The following PRAMEF20 variants were observed in gnomAD, a reference collection of about 807,000 sequenced individuals.
The protein encoded by PRAMEF20 is PRAME family member 20/21.
A neutral mutation model predicts 32.4 loss-of-function variants in PRAMEF20; 27 were observed. The ratio of observed to expected loss-of-function variants is 0.83; its 90% CI spans 0.61 to 1.15. PRAMEF20 has a LOEUF of 1.15. Ranked by LOEUF, PRAMEF20 falls within the 50% of genes most tolerant of loss-of-function variation. The pLI is 0.00. For synonymous variants in PRAMEF20, 256 were observed against 235.4 expected (o/e 1.09, Z -0.80); for missense variants, 604 against 584.5 (o/e 1.03, Z -0.34).
At chr1:13,417,951 T>TGTGTGTGTGTGTGTGTGTGTGTGC (rs1557476949) in intron 1 of PRAMEF20, among the ~76,000 whole-genome samples, 171 bp from the exon 3 acceptor site, 8 of 147,640 alleles carry the variant, frequency 5.4e-5, no homozygotes, top group African/African-American at 1.5e-4. Flanking sequence ...TGTGTGTGTG[T>TGTGTGTGTGTGTGTGTGTGTGTGC]GTTTAGTAGA....
upstream of PRAMEF20, among the ~76,000 whole-genome samples, chr1:13,414,408 A>G (rs1641143250): frequency 6.6e-6 from 1 of 151,864 alleles, no homozygotes; most frequent in Admixed American, 6.6e-5. Context: ...CCCTTAAATT[A>G]TAGTTCATAG....
At chr1:13,417,164 G>A (rs1329295887) in intron 1 of PRAMEF20, among the ~76,000 whole-genome samples, 1 of 152,114 alleles carries the variant, frequency 6.6e-6, no homozygotes, top group African/African-American at 2.4e-5. Flanking sequence ...AGCGTGGAAG[G>A]GGACCTGAGT....
Position 13,421,070 on chromosome 1 carries a change from GC to G in PRAMEF20, c.1244del (p.Pro415ArgfsTer23). 2.5e-6 allele frequency: 4 copies of G among 1,613,918 alleles called. No homozygotes were observed. Among genetic ancestry groups the G allele is most frequent in the Non-Finnish European group, 3.4e-6 (4 of 1,179,852 alleles). On this transcript the variant is annotated frameshift_variant, in exon 3 of 3. Transcript: ENST00000602960. LOFTEE classifies it high-confidence loss of function. ...CAACTTATGCCTGGAGCTGTATCCT[GC>G]CCCGCGGGAGAGTTATGATGTTCGT... is the stretch of plus-strand genomic sequence containing the variant.
chr1:13,421,269 A>G (rs1458982397), exon 3 of PRAMEF20: 3 of 1,613,624 alleles, frequency 1.9e-6, no homozygotes, highest in East Asian at 2.2e-5. Context: ...ATGCCTGCCT[A>G]TTTGGGTGGA....
upstream of PRAMEF20, among the ~76,000 whole-genome samples, chr1:13,415,006 G>C (rs1003685126): frequency 1.3e-5 from 2 of 149,744 alleles, no homozygotes; most frequent in South Asian, 2.1e-4. Flanking sequence ...CACCATATTG[G>C]TCAGGCTTGT....
chr1:13,420,813 G>A, exon 3 of PRAMEF20: 1 of 1,613,948 alleles, frequency 6.2e-7, no homozygotes, highest in Non-Finnish European at 8.5e-7. Flanking sequence ...CTGGACCTGA[G>A]TGGCACCAGA....
At chr1:13,418,643 A>G (rs1164062377) in exon 2 of PRAMEF20, 1 of 1,613,918 alleles carries the variant, frequency 6.2e-7, no homozygotes, top group South Asian at 1.1e-5. Context: ...CGCTGCCTCC[A>G]AAAGCTTTAT....
exon 3 of PRAMEF20, chr1:13,420,913 C>G: frequency 6.2e-7 from 1 of 1,613,818 alleles, no homozygotes; most frequent in Non-Finnish European, 8.5e-7. Context: ...ACTGTGGCAT[C>G]GTAGACTCCC....
At chr1:13,413,789 T>C (rs1193812333), upstream of PRAMEF20, among the ~76,000 whole-genome samples, 1 of 152,116 alleles carries the variant, frequency 6.6e-6, no homozygotes, top group Non-Finnish European at 1.5e-5. Flanking sequence ...CCAAGCACCC[T>C]GAACACTGAG....
upstream of PRAMEF20, among the ~76,000 whole-genome samples, chr1:13,413,495 G>T (rs932775302): frequency 1.8e-4 from 28 of 151,998 alleles, no homozygotes; most frequent in Non-Finnish European, 2.9e-4. Flanking sequence ...CTCCCTAGTA[G>T]CTGGGACTAC....
rs991836241 is a variant in PRAMEF20, at chr1:13,417,691, C to A, written c.288-431C>A. Among the ~76,000 whole-genome samples the A allele has an allele frequency of 2.0e-4, 30 of 149,392 alleles. 1 individual carries two copies. The highest frequency in any genetic ancestry group is 6.7e-4 in the Admixed American group (10 of 14,972). ...GAGGGAAAAGAAGCAGGGAAGAGAG[C>A]AGCTGATATCCAGGATGTGAAGTAT... On this transcript the variant is annotated intron_variant, in intron 1 of 2. Transcript: ENST00000602960.
the PRAMEF20 span, among the ~76,000 whole-genome samples, chr1:13,411,341 C>G: frequency 7.9e-5 from 12 of 152,004 alleles, no homozygotes; most frequent in South Asian, 4.2e-4. Context: ...CCCTCCCCCC[C>G]ACCGCCAAAA....
Position 13,418,116 on chromosome 1 carries a change from C to A in PRAMEF20, c.288-6C>A. The A allele has an allele frequency of 6.2e-7, 1 of 1,611,968 alleles. No individual in the cohort carries two copies. Among genetic ancestry groups the A allele is most frequent in the Non-Finnish European group, 8.5e-7 (1 of 1,179,826 alleles). On this transcript the variant is annotated splice_polypyrimidine_tract_variant and splice_region_variant and intron_variant, in intron 1 of 2. Transcript: ENST00000602960. ...AATTCTCAGCCTCTCTTCTATTTTT[C>A]CTCAGGAGGTGGAAACTTCAAGTGC...
At chr1:13,417,945 TGTGTGTG>T (rs1337840414) in intron 1 of PRAMEF20, among the ~76,000 whole-genome samples, 170 bp from the exon 3 acceptor site, 2 of 149,442 alleles carry the variant, frequency 1.3e-5, no homozygotes, top group African/African-American at 2.5e-5. Context: ...TGTGTGTGTG[TGTGTGTG>T]TTTAGTAGAG....
At chr1:13,420,620 A>T (rs1317433193) in intron 2 of PRAMEF20, 77 bp from the exon 4 acceptor site, 1 of 1,597,692 alleles carries the variant, frequency 6.3e-7, no homozygotes, top group Non-Finnish European at 8.6e-7. Flanking sequence ...TCCATCCATC[A>T]CTTTGAAGTC....
upstream of PRAMEF20, among the ~76,000 whole-genome samples, chr1:13,414,127 C>A (rs1232146466): frequency 6.6e-6 from 1 of 150,580 alleles, no homozygotes; most frequent in East Asian, 2.0e-4. Context: ...CTGCAACCTC[C>A]GACTCTCTGG....
exon 2 of PRAMEF20, chr1:13,418,572 C>T: frequency 2.5e-6 from 4 of 1,613,164 alleles, no homozygotes; most frequent in Non-Finnish European, 3.4e-6. Context: ...ATTCTCGCTA[C>T]ATTTCCCCAG....
At chr1:13,418,373 T>G in exon 2 of PRAMEF20, 5 of 1,613,906 alleles carry the variant, frequency 3.1e-6, no homozygotes, top group Non-Finnish European at 3.4e-6. Flanking sequence ...TTAGTACACC[T>G]GTGCTGTAAG....
exon 2 of PRAMEF20, chr1:13,418,443 C>T: frequency 6.2e-7 from 1 of 1,613,908 alleles, no homozygotes; most frequent in Non-Finnish European, 8.5e-7. Flanking sequence ...AAACAGTCAA[C>T]CTAGACTGTA....
Sources: gnomAD v4.1 joint callset for allele counts (sites outside exome capture counted in the v4.1 genomes callset) on GRCh38, gnomAD v4.1.1 for gene constraint, MANE v1.5 for transcripts, NCBI Gene and HGNC (gene_info 2026-07-23, HGNC 2026-07-21) for gene names.